ACSS1: variants seen among roughly 807,000 people sequenced by gnomAD.
ACSS1 encodes acetyl-coenzyme A synthetase 2-like, mitochondrial.
ACSS1 carries 42 observed loss-of-function variants against 75.3 expected under a neutral mutation model. The observed-to-expected ratio is 0.56, with a 90% confidence interval of 0.44 to 0.72. The LOEUF (loss-of-function observed/expected upper bound fraction) is 0.72, where lower values mean the gene tolerates loss of function less well. Among genes scored for constraint, ACSS1 ranks in the 30% least tolerant of loss-of-function variants. The pLI is 0.00. For synonymous variants in ACSS1, 380 were observed against 376.8 expected (o/e 1.01, Z -0.10); for missense variants, 782 against 935.7 (o/e 0.84, Z 2.14).
In ACSS1 at chr20:25,007,118, A is replaced by G. The variant is rs1163169721; in HGVS notation, c.*644T>C. 7.1e-7 allele frequency: 1 copy of G among 1,402,074 alleles called. No individual in the cohort carries two copies. The highest frequency in any genetic ancestry group is 9.3e-7 in the Non-Finnish European group (1 of 1,080,028). 86.9% of individuals were successfully genotyped at this position (1,402,074 alleles called of 1,614,324 possible). On this transcript the variant is annotated 3_prime_UTR_variant, in exon 14 of 14. Coordinates refer to ENST00000323482, the MANE Select transcript of ACSS1 (RefSeq NM_032501.4). The stretch of plus-strand genomic sequence containing the variant: ...CCAGGAAAAGATGCCGGAGGCTTGG[A>G]AGTTCTCAAGGGAACTGTTTAGACA...
chr20:25,034,008 G>A (rs1346793136), intron 2 of ACSS1, among the ~76,000 whole-genome samples: 1 of 152,162 alleles, frequency 6.6e-6, no homozygotes, highest in Non-Finnish European at 1.5e-5. Flanking sequence ...TCACACTCTT[G>A]CTGCTGAGTC....
intron 7 of ACSS1, among the ~76,000 whole-genome samples, chr20:25,017,477 C>T (rs1014276393): frequency 2.0e-5 from 3 of 152,250 alleles, no homozygotes; most frequent in African/African-American, 7.2e-5. Flanking sequence ...CAAGACATCA[C>T]AAGACGCCAC....
chr20:25,012,366 T>G (rs2088424734), intron 12 of ACSS1: 1 of 576,572 alleles, frequency 1.7e-6, no homozygotes, highest in South Asian at 2.0e-5. Flanking sequence ...TCATGGCCAC[T>G]GTGGATGTGT....
At chr20:25,052,064 A>T (rs1171681488) in intron 1 of ACSS1, among the ~76,000 whole-genome samples, 1 of 152,218 alleles carries the variant, frequency 6.6e-6, no homozygotes, top group Non-Finnish European at 1.5e-5. Context: ...TTTGGGGGAC[A>T]GTGGCCCTAA....
In ACSS1 at chr20:25,029,588, CA is replaced by C. The variant is rs375608084; in HGVS notation, c.631+1170del. On this transcript the variant is annotated intron_variant, in intron 3 of 13. Transcript: ENST00000323482. Reference sequence around the variant, plus strand: ...TCATAACAGCTCTATTCACAATAGCCAAAAAATGGAAACAACCCAAATGGCC... The same window carrying C: ...TCATAACAGCTCTATTCACAATAGCCAAAAATGGAAACAACCCAAATGGCC... Among the ~76,000 whole-genome samples, 1,329 of 152,130 alleles carry C rather than the reference CA, an allele frequency of 8.7e-3. 26 individuals carry two copies. Among genetic ancestry groups the C allele is most frequent in the African/African-American group, 0.031 (1,266 of 41,486 alleles).
chr20:25,032,573 CG>C, intron 2 of ACSS1: 1 of 1,244,178 alleles, frequency 8.0e-7, no homozygotes, highest in South Asian at 3.7e-5. Flanking sequence ...TCTCTCTGGG[CG>C]GGGCAGACCA....
At chr20:25,033,147 C>CATAGCAGGGA (rs11087495) in intron 2 of ACSS1, among the ~76,000 whole-genome samples, 49,123 of 151,992 alleles carry the variant, frequency 0.32, 8,638 homozygotes, top group African/African-American at 0.44. Context: ...AGCCGTGGTC[C>CATAGCAGGGA]AGAGTCACTC....
chr20:25,051,137 C>T (rs2089169147), intron 1 of ACSS1, among the ~76,000 whole-genome samples: 1 of 152,216 alleles, frequency 6.6e-6, no homozygotes, highest in African/African-American at 2.4e-5. Flanking sequence ...CTGTGCCCTC[C>T]TCACACCCAC....
chr20:25,039,697 A>G (rs1478017744), intron 2 of ACSS1, among the ~76,000 whole-genome samples: 1 of 152,252 alleles, frequency 6.6e-6, no homozygotes, highest in Non-Finnish European at 1.5e-5. Flanking sequence ...TCCTCTAACC[A>G]GAGCCCAGGA....
Position 25,013,651 on chromosome 20 carries a change from C to A in ACSS1, c.1464G>T (p.Val488=), listed in dbSNP as rs537842321. Residue 488 remains valine, a synonymous_variant, in exon 10 of 14, where the codon GTG becomes GTT. Coordinates refer to ENST00000323482, the MANE Select transcript of ACSS1 (RefSeq NM_032501.4). ...PVLMDEKGSV[V]EGSNVSGALC... Reference sequence around the variant, plus strand: ...GGGCCCCGGAGACGTTGCTGCCCTCCACGACGCTGCCCTGTAGACCCCGGA... The same window carrying A: ...GGGCCCCGGAGACGTTGCTGCCCTCAACGACGCTGCCCTGTAGACCCCGGA... 2 of 1,603,754 alleles carry A rather than the reference C, an allele frequency of 1.2e-6. No individual in the cohort carries two copies. The highest frequency in any genetic ancestry group is 1.3e-5 in the African/African-American group (1 of 74,912).
At position 25,013,595 on chromosome 20, in the gene ACSS1, G is replaced by A; in HGVS notation, c.1520C>T (p.Ala507Val). The A allele has an allele frequency of 6.2e-7, 1 of 1,610,226 alleles. No individual in the cohort carries two copies. The highest frequency in any genetic ancestry group is 8.5e-7 in the Non-Finnish European group (1 of 1,177,848). ...CTGGTGGTCGCCATAGATGGTCCTG[G>A]CCATGCCCGGCCAGGCCTGGGAGAT... Reference protein sequence around the residue: ...LCISQAWPGMARTIYGDHQRF... With the variant: ...LCISQAWPGMVRTIYGDHQRF... Residue 507 changes from alanine (A) to valine (V), a missense_variant, in exon 10 of 14, where the codon GCC becomes GTC. Ala to Val is a moderately conservative substitution (Grantham distance 64). Transcript: ENST00000323482.
intron 6 of ACSS1, 122 bp from the exon 7 acceptor site, chr20:25,020,269 G>A: frequency 1.4e-6 from 2 of 1,395,338 alleles, no homozygotes; most frequent in Non-Finnish European, 2.0e-6. Context: ...CCATATGAAA[G>A]GGATCCCCCC....
chr20:25,055,521 T>C (rs983655608), intron 1 of ACSS1, among the ~76,000 whole-genome samples: 1 of 152,226 alleles, frequency 6.6e-6, no homozygotes, highest in Non-Finnish European at 1.5e-5. Context: ...TGCCCTGGTT[T>C]GAGGCGTACA....
At chr20:25,057,068 G>A (rs749402136) in intron 1 of ACSS1, among the ~76,000 whole-genome samples, 23 of 152,344 alleles carry the variant, frequency 1.5e-4, no homozygotes, top group Non-Finnish European at 2.5e-4. Context: ...CAACTGTTTG[G>A]GGCCGACGTC....
At chr20:25,032,392 G>T in intron 2 of ACSS1, 1 of 1,404,412 alleles carries the variant, frequency 7.1e-7, no homozygotes, top group Non-Finnish European at 9.3e-7. Flanking sequence ...CGAAGTGGAG[G>T]AAGTGGAAGC....
At position 25,022,991 on chromosome 20, in the gene ACSS1, G is replaced by A; in HGVS notation, c.909C>T (p.Gly303=). 4 of 1,614,128 alleles carry A rather than the reference G, an allele frequency of 2.5e-6. No individual in the cohort carries two copies. Among genetic ancestry groups the A allele is most frequent in the African/African-American group, 1.3e-5 (1 of 75,076 alleles). ...GGTAGCCTGCCTGGGTATGGACGATGCCCTTGGGCATTCCGGTGCTCCCTG... is the reference window on the plus strand; with the variant it reads ...GGTAGCCTGCCTGGGTATGGACGATACCCTTGGGCATTCCGGTGCTCCCTG... ...YTSGSTGMPK[G]IVHTQAGYLL... The change falls in exon 5 of 14, where the codon GGC becomes GGT. Residue 303 remains glycine, a synonymous_variant. Coordinates refer to ENST00000323482, the MANE Select transcript of ACSS1 (RefSeq NM_032501.4).
At chr20:25,051,960 G>A (rs1023971851) in intron 1 of ACSS1, among the ~76,000 whole-genome samples, 10 of 152,184 alleles carry the variant, frequency 6.6e-5, no homozygotes, top group South Asian at 2.1e-4. Context: ...TGTCCCCCAA[G>A]AAGGCAAACA....
At chr20:25,025,071 T>C (rs996578430) in intron 3 of ACSS1, among the ~76,000 whole-genome samples, 1 of 152,158 alleles carries the variant, frequency 6.6e-6, no homozygotes, top group Non-Finnish European at 1.5e-5. Context: ...GGAAGGGAGA[T>C]GGACCAGCAG....
intron 5 of ACSS1, 149 bp downstream of exon 5, chr20:25,022,791 A>G: frequency 8.9e-7 from 1 of 1,119,088 alleles, no homozygotes; most frequent in East Asian, 2.7e-5. Context: ...GTAGGGTGGG[A>G]GGACTCGAGG....
Sources: allele counts gnomAD v4.1 joint callset (sites outside exome capture counted in the v4.1 genomes callset), GRCh38; gene constraint gnomAD v4.1.1; transcripts MANE v1.5; gene names NCBI Gene and HGNC (gene_info 2026-07-23, HGNC 2026-07-21).